Variants in NDUFB6 observed in about 807,000 individuals in gnomAD.
The protein encoded by NDUFB6 is NADH dehydrogenase [ubiquinone] 1 beta subcomplex subunit 6.
A neutral mutation model predicts 17.5 loss-of-function variants in NDUFB6; 23 were observed. The ratio of observed to expected loss-of-function variants is 1.31; its 90% CI spans 0.94 to 1.86. The LOEUF is 1.86. Ranked by LOEUF, NDUFB6 falls within the 40% of genes most tolerant of loss-of-function variation. NDUFB6 has a pLI of 0.00. For missense variants in NDUFB6, 167 were observed against 153.8 expected, an observed-to-expected ratio of 1.09 and a Z score of -0.46; for synonymous variants, 60 against 53.5, an observed-to-expected ratio of 1.12 and a Z score of -0.53.
intron 3 of NDUFB6, among the ~76,000 whole-genome samples, chr9:32,557,489 CTTTT>C (rs376298827): frequency 6.7e-6 from 1 of 148,172 alleles, no homozygotes; most frequent in Admixed American, 6.7e-5. Context: ...TTCCTTTTTC[CTTTT>C]TTTTTGAGAT....
intron 2 of NDUFB6, chr9:32,567,308 G>A (rs778295873): frequency 1.7e-5 from 8 of 470,328 alleles, no homozygotes; most frequent in Non-Finnish European, 3.1e-5. Context: ...TTCACTTCAC[G>A]TCTCTGTGCC....
At chr9:32,554,071 G>T (rs1821384916) in intron 3 of NDUFB6, 127 bp from the exon 4 acceptor site, 2 of 560,330 alleles carry the variant, frequency 3.6e-6, no homozygotes, top group African/African-American at 3.8e-5. Context: ...CCTTTAAAAG[G>T]ACCCTAGACA....
intron 2 of NDUFB6, among the ~76,000 whole-genome samples, chr9:32,562,921 T>C (rs1821666260): frequency 6.6e-6 from 1 of 152,230 alleles, no homozygotes; most frequent in Admixed American, 6.5e-5. Flanking sequence ...TAATGAAGAA[T>C]TGCATTTAGT....
chr9:32,570,173 A>C (rs1390179878), intron 2 of NDUFB6, among the ~76,000 whole-genome samples: 2 of 152,070 alleles, frequency 1.3e-5, no homozygotes, highest in East Asian at 3.8e-4. Flanking sequence ...CTTCTTCCAG[A>C]TGTCCTCCTC....
Position 32,553,612 on chromosome 9 carries a change from C to A in NDUFB6, c.*264G>T, listed in dbSNP as rs2118992786. ...AAGTACTGTGTAAGAAAAAAACAAA[C>A]AAACATGTAACTAAATACTTTTCCA... On this transcript the variant is annotated 3_prime_UTR_variant, in exon 4 of 4. Transcript: ENST00000379847. 2.5e-6 allele frequency: 1 copy of A among 397,492 alleles called. No individual in the cohort carries two copies. Among genetic ancestry groups the A allele is most frequent in the Non-Finnish European group, 4.6e-6 (1 of 218,658 alleles). The allele number at this position is 397,492 out of a possible 1,614,324, so 24.6% of individuals were successfully genotyped here. A position where few individuals can be genotyped will look rare whatever the true frequency, so the allele number is the denominator to read the frequency against.
rs1209905276 is a variant in NDUFB6, at chr9:32,570,828, C to A, written c.273+132G>T. 4.3e-5 allele frequency: 24 copies of A among 552,062 alleles called. No homozygotes were observed. In the Admixed American group the frequency reaches 6.3e-4, roughly 15 times the overall value. 34.2% of individuals were successfully genotyped at this position (552,062 alleles called of 1,614,324 possible). ...TATGTAACTTTCATTAAACCTTTTA[C>A]CTAAGAGAATTCAAAGTACTTCAAA... On this transcript the variant is annotated intron_variant, in intron 2 of 3. Coordinates refer to ENST00000379847, the MANE Select transcript of NDUFB6 (RefSeq NM_002493.5).
chr9:32,558,742 T>C (rs1238138243), intron 3 of NDUFB6, among the ~76,000 whole-genome samples, 168 bp downstream of exon 3: 1 of 150,026 alleles, frequency 6.7e-6, no homozygotes, highest in East Asian at 1.9e-4. Context: ...CGGTATTTCT[T>C]CCTGTTTTTT....
chr9:32,564,993 A>G (rs1432385437), intron 2 of NDUFB6, among the ~76,000 whole-genome samples: 1 of 152,106 alleles, frequency 6.6e-6, no homozygotes, highest in African/African-American at 2.4e-5. Flanking sequence ...ACTTTTTGCC[A>G]TTATAAACAA....
intron 2 of NDUFB6, chr9:32,567,734 A>G (rs533232969): frequency 9.2e-6 from 3 of 325,784 alleles, no homozygotes; most frequent in Admixed American, 4.6e-5. Context: ...ACACCCATAT[A>G]AGATAGTGAA....
chr9:32,570,924 A>G, intron 2 of NDUFB6, 36 bp downstream of exon 2: 1 of 1,413,372 alleles, frequency 7.1e-7, no homozygotes, highest in East Asian at 2.4e-5. Context: ...AATTTTGGAC[A>G]ATATTAAAAA....
At chr9:32,566,436 G>A in intron 2 of NDUFB6, 1 of 829,526 alleles carries the variant, frequency 1.2e-6, no homozygotes, top group South Asian at 1.3e-5. Context: ...TACTGTAGGG[G>A]TTGATGGAGT....
chr9:32,554,539 A>G (rs1476659265), intron 3 of NDUFB6, among the ~76,000 whole-genome samples: 1 of 152,202 alleles, frequency 6.6e-6, no homozygotes, highest in African/African-American at 2.4e-5. Context: ...AGTTTCAGCC[A>G]TGTGTTTAAG....
chr9:32,566,693 C>A, intron 2 of NDUFB6: 1 of 828,712 alleles, frequency 1.2e-6, no homozygotes, highest in South Asian at 1.3e-5. Flanking sequence ...AGCTGTATCT[C>A]AGATAGCCAG....
chr9:32,571,182 TA>T, intron 1 of NDUFB6, 130 bp from the exon 2 acceptor site: 1 of 648,500 alleles, frequency 1.5e-6, no homozygotes, highest in Non-Finnish European at 2.7e-6. Flanking sequence ...TATTTTCTTA[TA>T]GTCTGTAGGT....
Position 32,553,215 on chromosome 9 carries a change from G to A in NDUFB6, c.*661C>T. The stretch of plus-strand genomic sequence containing the variant: ...TTCGGAAAGCTTTTTTTTTTTTTGA[G>A]ACGGAGTCTTGCTCTGTCGCCCAGG... On this transcript the variant is annotated 3_prime_UTR_variant, in exon 4 of 4. Coordinates refer to ENST00000379847, the MANE Select transcript of NDUFB6 (RefSeq NM_002493.5). The A allele has an allele frequency of 4.1e-6, 1 of 245,510 alleles. No homozygotes were observed. Among genetic ancestry groups the A allele is most frequent in the South Asian group, 5.4e-5 (1 of 18,548 alleles). The allele number at this position is 245,510 out of a possible 1,614,324, so 15.2% of individuals were successfully genotyped here.
At chr9:32,557,948 T>C (rs550235741) in intron 3 of NDUFB6, among the ~76,000 whole-genome samples, 2 of 152,326 alleles carry the variant, frequency 1.3e-5, no homozygotes, top group African/African-American at 2.4e-5. Context: ...TGAGTTATGA[T>C]AGTTCATTAT....
chr9:32,555,280 T>G (rs1246776185), intron 3 of NDUFB6, among the ~76,000 whole-genome samples: 1 of 152,142 alleles, frequency 6.6e-6, no homozygotes, highest in Admixed American at 6.5e-5. Flanking sequence ...CTTGTGGTAT[T>G]GAAAAATCAC....
intron 2 of NDUFB6, chr9:32,568,748 A>ATATATT (rs1213123923): frequency 9.3e-4 from 106 of 114,334 alleles, no homozygotes; most frequent in Non-Finnish European, 1.2e-3. Flanking sequence ...ATATATATAT[A>ATATATT]TTTTTTTTTT....
intron 1 of NDUFB6, among the ~76,000 whole-genome samples, chr9:32,572,077 C>T (rs960334540): frequency 6.6e-6 from 1 of 152,168 alleles, no homozygotes; most frequent in Non-Finnish European, 1.5e-5. Flanking sequence ...ATCTACCTTA[C>T]AGGAATAAAG....
Sources: gnomAD v4.1 joint callset for allele counts (sites outside exome capture counted in the v4.1 genomes callset) on GRCh38, gnomAD v4.1.1 for gene constraint, MANE v1.5 for transcripts, NCBI Gene and HGNC (gene_info 2026-07-23, HGNC 2026-07-21) for gene names.